Variants in GCNT2 observed in about 807,000 individuals in gnomAD.
GCNT2 encodes the protein glucosaminyl (N-acetyl) transferase 2 (I blood group).
In GCNT2, 34 loss-of-function variants were observed where a neutral mutation model predicts 34.2. The ratio of observed to expected loss-of-function variants is 1.00; its 90% CI spans 0.76 to 1.32. GCNT2 has a LOEUF of 1.32. GCNT2 is among the 40% of genes most tolerant of loss of function. The probability of loss-of-function intolerance (pLI) is 0.00; values close to 1 mark genes in which losing one functional copy is unlikely to be tolerated. For synonymous variants in GCNT2, 212 were observed against 188.0 expected, an observed-to-expected ratio of 1.13 and a Z score of -1.04; for missense variants, 584 against 489.4, an observed-to-expected ratio of 1.19 and a Z score of -1.82.
At chr6:10,573,851 A>G (rs558596171) in intron 3 of GCNT2, among the ~76,000 whole-genome samples, 1 of 152,340 alleles carries the variant, frequency 6.6e-6, no homozygotes, top group Admixed American at 6.5e-5. Context: ...ACTGCCCGTG[A>G]CAATGGTGGC....
At chr6:10,585,675 G>A in intron 3 of GCNT2, 1 of 770,060 alleles carries the variant, frequency 1.3e-6, no homozygotes, top group South Asian at 2.2e-5. Context: ...CATTTCATAT[G>A]TAAATGAGGA....
chr6:10,580,359 G>C (rs1051984307), intron 3 of GCNT2, among the ~76,000 whole-genome samples: 1 of 152,118 alleles, frequency 6.6e-6, no homozygotes, highest in Non-Finnish European at 1.5e-5. Flanking sequence ...TGAACTCACC[G>C]GCCCTGCTCG....
intron 4 of GCNT2, among the ~76,000 whole-genome samples, chr6:10,623,292 ATTTT>A (rs35557936): frequency 7.2e-6 from 1 of 139,580 alleles, no homozygotes; most frequent in Non-Finnish European, 1.6e-5. Context: ...TGCCTACATT[ATTTT>A]TTTTTTTTTT....
intron 3 of GCNT2, among the ~76,000 whole-genome samples, chr6:10,589,992 G>A (rs1243551661): frequency 2.0e-5 from 3 of 152,092 alleles, no homozygotes; most frequent in African/African-American, 7.2e-5. Flanking sequence ...AAGTTACCAG[G>A]GACCTTTGCC....
intron 3 of GCNT2, chr6:10,619,287 T>A (rs1199608223): frequency 1.3e-5 from 2 of 152,020 alleles, no homozygotes; most frequent in African/African-American, 4.8e-5. Context: ...GCTCAAGCAA[T>A]CCTCCCACTT....
chr6:10,626,338 AC>A, intron 4 of GCNT2, 78 bp from the exon 5 acceptor site: 2 of 993,016 alleles, frequency 2.0e-6, no homozygotes, highest in Non-Finnish European at 3.2e-6. Context: ...GTCGGAGAGT[AC>A]CTCTAGTATT....
At chr6:10,603,817 C>CT (rs571206713) in intron 3 of GCNT2, among the ~76,000 whole-genome samples, 7,711 of 114,458 alleles carry the variant, frequency 0.067, 443 homozygotes, top group African/African-American at 0.17. Flanking sequence ...GCCTGACAGT[C>CT]TTTTTTTTTT....
chr6:10,541,390 C>T (rs1167259755), intron 3 of GCNT2, among the ~76,000 whole-genome samples: 3 of 152,156 alleles, frequency 2.0e-5, no homozygotes, highest in African/African-American at 4.8e-5. Context: ...ATATATACGA[C>T]ATTTTCTTTA....
intron 3 of GCNT2, among the ~76,000 whole-genome samples, chr6:10,563,772 AAAAAAATATATATATATATAT>A (rs1763142728): frequency 5.1e-5 from 3 of 59,170 alleles, no homozygotes; most frequent in South Asian, 5.9e-4. Context: ...AAAAAAAAAA[AAAAAAATATATATATATATAT>A]ATATATATAT....
At chr6:10,534,570 C>T (rs187781560) in intron 3 of GCNT2, among the ~76,000 whole-genome samples, 88 of 152,264 alleles carry the variant, frequency 5.8e-4, no homozygotes, top group African/African-American at 1.9e-3. Flanking sequence ...TCTCAGGCTG[C>T]GGCTGACGTC....
intron 3 of GCNT2, chr6:10,586,087 A>T: frequency 6.2e-7 from 1 of 1,614,214 alleles, no homozygotes; most frequent in African/African-American, 1.3e-5. Flanking sequence ...CCAAAAAGTT[A>T]TGAGAAGCTG....
At chr6:10,562,000 G>A (rs556601479) in intron 3 of GCNT2, among the ~76,000 whole-genome samples, 5 of 152,032 alleles carry the variant, frequency 3.3e-5, no homozygotes, top group Non-Finnish European at 7.4e-5. Context: ...GACTCTTTCG[G>A]TTGCAAGTGT....
At chr6:10,615,794 G>A (rs1340984369) in intron 3 of GCNT2, among the ~76,000 whole-genome samples, 1 of 152,180 alleles carries the variant, frequency 6.6e-6, no homozygotes, top group Admixed American at 6.5e-5. Context: ...TATTACCCCC[G>A]TTTAGACCAT....
At position 10,626,422 on chromosome 6, in the gene GCNT2, T is replaced by C; in HGVS notation, c.1024T>C (p.Tyr342His). Residue 342 changes from tyrosine (Y) to histidine (H), a missense_variant, in exon 5 of 5, where the codon TAT (tyrosine) becomes CAT (histidine). Tyr to His is a moderately conservative substitution (Grantham distance 83). Coordinates refer to ENST00000495262, the MANE Select transcript of GCNT2 (RefSeq NM_145649.5). Reference sequence around the variant, plus strand: ...TCTTGTTCTTTCTTTTGCAGGCCACTATGTACATGGTATTTGTATCTATGG... The same window carrying C: ...TCTTGTTCTTTCTTTTGCAGGCCACCATGTACATGGTATTTGTATCTATGG... Reference protein sequence around the residue: ...EDRHGGCHGHYVHGICIYGNG... With the variant: ...EDRHGGCHGHHVHGICIYGNG... The C allele has an allele frequency of 6.2e-7, 1 of 1,610,248 alleles. No individual in the cohort carries two copies.
chr6:10,550,925 A>G (rs920649857), intron 3 of GCNT2, among the ~76,000 whole-genome samples: 2 of 152,186 alleles, frequency 1.3e-5, no homozygotes, highest in African/African-American at 4.8e-5. Context: ...CCTTATCCTC[A>G]AGCTACAGAC....
intron 3 of GCNT2, among the ~76,000 whole-genome samples, chr6:10,563,249 A>G (rs1256940678): frequency 6.6e-6 from 1 of 152,176 alleles, no homozygotes; most frequent in Non-Finnish European, 1.5e-5. Context: ...TACAACATTA[A>G]CCATTTGTAC....
At chr6:10,594,846 C>T (rs1764784618) in intron 3 of GCNT2, among the ~76,000 whole-genome samples, 2 of 150,288 alleles carry the variant, frequency 1.3e-5, no homozygotes, top group South Asian at 4.2e-4. Context: ...AGGTGGATAC[C>T]AGTTCCTTTT....
chr6:10,578,323 G>C (rs1032261145), intron 3 of GCNT2, among the ~76,000 whole-genome samples: 1 of 149,784 alleles, frequency 6.7e-6, no homozygotes, highest in Admixed American at 6.6e-5. Context: ...GAAGGTTGCA[G>C]TGAGCCGAGA....
intron 3 of GCNT2, among the ~76,000 whole-genome samples, chr6:10,537,698 C>CAAAAAAAAAAAAAAAAAAAAAAAAA (rs201257236): frequency 1.2e-5 from 1 of 83,230 alleles, no homozygotes; most frequent in Non-Finnish European, 2.2e-5. Flanking sequence ...GATTCTGCCG[C>CAAAAAAAAAAAAAAAAAAAAAAAAA]AAAAAAAAAA....
Sources: allele counts gnomAD v4.1 joint callset (sites outside exome capture counted in the v4.1 genomes callset), GRCh38; gene constraint gnomAD v4.1.1; transcripts MANE v1.5; gene names NCBI Gene and HGNC (gene_info 2026-07-23, HGNC 2026-07-21).